DOCK3: variants seen among roughly 807,000 people sequenced by gnomAD.
The protein encoded by DOCK3 is dedicator of cytokinesis protein 3.
Under a neutral mutation model 265.6 loss-of-function variants are expected in DOCK3, and 60 were observed. That is an observed-to-expected ratio of 0.23 (90% CI 0.18 to 0.28). DOCK3 has a LOEUF of 0.28. Ranked by LOEUF, DOCK3 falls within the 10% of genes least tolerant of loss-of-function variation. The probability of loss-of-function intolerance (pLI) is 1.00; values close to 1 mark genes in which losing one functional copy is unlikely to be tolerated. For missense variants in DOCK3, 1,981 were observed against 2,594.3 expected, an observed-to-expected ratio of 0.76 and a Z score of 5.14; for synonymous variants, 881 against 938.0, an observed-to-expected ratio of 0.94 and a Z score of 1.11.
chr3:51,260,157 C>T lies in DOCK3; in HGVS notation c.2186C>T (p.Ala729Val), dbSNP rs1463442956. ...CACTTTTTCTCCCACACTTTTCAGG[C>T]CTTGGAGTACCTTTTCAAGTTCATT... ...RQDHIQEAMR[A>V]LEYLFKFIVQ... The change falls in exon 23 of 53, where the codon GCC becomes GTC. Residue 729 changes from alanine to valine, a missense_variant and splice_region_variant. Ala to Val is a moderately conservative substitution (Grantham distance 64). Around this residue, in one of 4 missense-constraint regions of DOCK3, gnomAD observed 1,357 missense variants for 1,866.8 expected, o/e 0.73. Transcript: ENST00000266037. 3 of 1,612,160 alleles carry T rather than the reference C, an allele frequency of 1.9e-6. No individual in the cohort carries two copies. In the South Asian group the frequency reaches 3.3e-5, roughly 18 times the overall value.
At chr3:50,882,937 A>T (rs1243878573) in intron 3 of DOCK3, among the ~76,000 whole-genome samples, 1 of 152,244 alleles carries the variant, frequency 6.6e-6, no homozygotes, top group African/African-American at 2.4e-5. Context: ...CTATGCAGCC[A>T]TGAAAAAGGA....
intron 5 of DOCK3, among the ~76,000 whole-genome samples, chr3:51,006,624 A>AT (rs112315717): frequency 0.011 from 1,609 of 150,940 alleles, 9 homozygotes; most frequent in Non-Finnish European, 0.016. Flanking sequence ...GACCTTCATC[A>AT]TTTTTTTTTA....
At chr3:51,250,623 GA>G (rs1180028924) in intron 22 of DOCK3, among the ~76,000 whole-genome samples, 1 of 152,026 alleles carries the variant, frequency 6.6e-6, no homozygotes, top group African/African-American at 2.4e-5. Context: ...CATCTCAAGA[GA>G]AAACAAACAA....
chr3:51,225,391 T>C (rs1469003680), intron 14 of DOCK3, among the ~76,000 whole-genome samples: 2 of 152,212 alleles, frequency 1.3e-5, no homozygotes, highest in Non-Finnish European at 2.9e-5. Context: ...AGTCTGAGCA[T>C]CTACAATCTG....
chr3:51,320,461 C>T (rs544845435), intron 32 of DOCK3, among the ~76,000 whole-genome samples: 22 of 151,708 alleles, frequency 1.5e-4, no homozygotes, highest in African/African-American at 4.6e-4. Flanking sequence ...GCACCTGGAA[C>T]GCCAGTGAGA....
intron 3 of DOCK3, among the ~76,000 whole-genome samples, chr3:50,855,844 C>T (rs906760750): frequency 6.6e-6 from 1 of 152,066 alleles, no homozygotes; most frequent in African/African-American, 2.4e-5. Context: ...CCTTTACCCC[C>T]ACCCCTGACA....
In DOCK3 at chr3:50,884,513, TCTG is replaced by T. The variant is rs1489441746; in HGVS notation, c.163-5509_163-5507del. On this transcript the variant is annotated intron_variant, in intron 3 of 52. Coordinates refer to ENST00000266037, the MANE Select transcript of DOCK3 (RefSeq NM_004947.5). ...TGTCTTTTATGGTTTTGATGAAAAATCTGCTGATAATTCAGATAGGTTTTTTTC... is the reference window on the plus strand; with the variant it reads ...TGTCTTTTATGGTTTTGATGAAAAATCTGATAATTCAGATAGGTTTTTTTC... Among the ~76,000 whole-genome samples, 8 of 152,352 alleles carry T rather than the reference TCTG, an allele frequency of 5.3e-5. No homozygotes were observed. In the East Asian group the frequency reaches 1.5e-3, roughly 29 times the overall value.
At chr3:50,869,006 G>T (rs567425693) in intron 3 of DOCK3, among the ~76,000 whole-genome samples, 22 of 126,116 alleles carry the variant, frequency 1.7e-4, no homozygotes, top group Admixed American at 9.2e-4. Context: ...GTGGAGTCTC[G>T]CTCTGTCGCC....
Position 51,094,465 on chromosome 3 carries a change from A to G in DOCK3, c.746+4081A>G, listed in dbSNP as rs1051936589. On this transcript the variant is annotated intron_variant, in intron 9 of 52. Coordinates refer to ENST00000266037, the MANE Select transcript of DOCK3 (RefSeq NM_004947.5). ...CTAGTTTATTTGTGTAGAGATATTT[A>G]TAGTATTCTCTGATGGTAGTTTGTA... Among the ~76,000 whole-genome samples the G allele has an allele frequency of 7.9e-5, 12 of 152,130 alleles. No homozygotes were observed. The South Asian group carries it at 8.3e-4, about 11-fold the overall frequency.
intron 4 of DOCK3, among the ~76,000 whole-genome samples, chr3:50,921,300 A>G (rs915910053): frequency 2.0e-5 from 3 of 151,954 alleles, no homozygotes; most frequent in African/African-American, 7.3e-5. Flanking sequence ...CATTCAGTTG[A>G]TCTTCAGTCA....
chr3:51,211,645 A>G (rs1418828929), intron 13 of DOCK3, among the ~76,000 whole-genome samples: 1 of 152,098 alleles, frequency 6.6e-6, no homozygotes, highest in Non-Finnish European at 1.5e-5. Context: ...TTTGCTGAGA[A>G]TGATGGTTTC....
At chr3:50,718,996 G>C (rs1313121581) in intron 1 of DOCK3, among the ~76,000 whole-genome samples, 1 of 151,822 alleles carries the variant, frequency 6.6e-6, no homozygotes, top group East Asian at 1.9e-4. Flanking sequence ...GTGTTAGCCA[G>C]GATGGTCTCA....
At chr3:51,151,671 G>A (rs976678789) in intron 10 of DOCK3, among the ~76,000 whole-genome samples, 3 of 152,212 alleles carry the variant, frequency 2.0e-5, no homozygotes, top group African/African-American at 4.8e-5. Flanking sequence ...TCCTTCAGGA[G>A]CTCTTGTAAG....
chr3:51,105,792 A>G (rs1009576071), intron 9 of DOCK3, among the ~76,000 whole-genome samples: 6 of 152,166 alleles, frequency 3.9e-5, no homozygotes, highest in Non-Finnish European at 5.9e-5. Context: ...AATGGAGGGA[A>G]GACATAGAGG....
intron 27 of DOCK3, among the ~76,000 whole-genome samples, chr3:51,296,701 C>T (rs1251717271): frequency 6.6e-6 from 1 of 152,044 alleles, no homozygotes; most frequent in Admixed American, 6.6e-5. Context: ...TGGTCTCGAT[C>T]TCCTGACCTT....
chr3:51,227,065 G>A (rs529503813), intron 15 of DOCK3, among the ~76,000 whole-genome samples: 134 of 152,212 alleles, frequency 8.8e-4, no homozygotes, highest in African/African-American at 3.1e-3. Flanking sequence ...TTCACCCCAA[G>A]GAAAACAAGG....
intron 9 of DOCK3, among the ~76,000 whole-genome samples, chr3:51,140,740 C>T (rs1404238507): frequency 2.6e-5 from 4 of 152,168 alleles, no homozygotes; most frequent in Non-Finnish European, 5.9e-5. Flanking sequence ...TCCAATTTCT[C>T]CATTTCCTTG....
At chr3:51,365,282 ATGTT>A (rs1260156117) in intron 49 of DOCK3, among the ~76,000 whole-genome samples, 1 of 152,004 alleles carries the variant, frequency 6.6e-6, no homozygotes, top group Non-Finnish European at 1.5e-5. Flanking sequence ...ATTTGGCTCT[ATGTT>A]TGTCTGTTAT....
chr3:50,897,841 T>G (rs1435480053), intron 4 of DOCK3, among the ~76,000 whole-genome samples: 4 of 110,908 alleles, frequency 3.6e-5, no homozygotes, highest in East Asian at 4.9e-4. Context: ...TTGATCATGG[T>G]GGATAAGCTT....
Sources: gnomAD v4.1 joint callset for allele counts (sites outside exome capture counted in the v4.1 genomes callset) on GRCh38, gnomAD v4.1.1 for gene constraint, gnomAD v4.1.1 regional missense constraint, MANE v1.5 for transcripts, NCBI Gene and HGNC (gene_info 2026-07-23, HGNC 2026-07-21) for gene names.